HHAT: variants seen among roughly 807,000 people sequenced by gnomAD.
HHAT encodes the protein protein-cysteine N-palmitoyltransferase HHAT.
Under a neutral mutation model 70.8 loss-of-function variants are expected in HHAT, and 47 were observed. The ratio of observed to expected loss-of-function variants is 0.66; its 90% CI spans 0.53 to 0.85. HHAT has a LOEUF of 0.85. HHAT is among the 40% of genes least tolerant of loss of function. The pLI, the probability that HHAT is intolerant of heterozygous loss-of-function variation, is 0.00. For synonymous variants in HHAT, 228 were observed against 247.6 expected, an observed-to-expected ratio of 0.92 and a Z score of 0.74; for missense variants, 609 against 604.8, an observed-to-expected ratio of 1.01 and a Z score of -0.07.
Position 210,674,319 on chromosome 1 carries a change from A to T in HHAT, c.1422A>T (p.Gly474=). 6.2e-7 allele frequency: 1 copy of T among 1,614,046 alleles called. No individual in the cohort carries two copies. The highest frequency in any genetic ancestry group is 8.5e-7 in the Non-Finnish European group (1 of 1,179,998). The change falls in exon 12 of 12, where the codon GGA becomes GGT. Residue 474 remains glycine, a synonymous_variant. Transcript: ENST00000261458. ...CTTGGGTGACCCTCTCTGTCCTGGG[A>T]TTCCTGTACTGCTACTCCCACGTGG... ...GWPWVTLSVL[G]FLYCYSHVGI...
chr1:210,396,713 G>A (rs1572141018), intron 4 of HHAT, among the ~76,000 whole-genome samples: 1 of 152,184 alleles, frequency 6.6e-6, no homozygotes, highest in Non-Finnish European at 1.5e-5. Context: ...TAGGTTAATG[G>A]CTAACAAGCT....
intron 7 of HHAT, among the ~76,000 whole-genome samples, chr1:210,454,545 CTT>C (rs1022491018): frequency 2.0e-5 from 3 of 152,014 alleles, no homozygotes; most frequent in African/African-American, 7.2e-5. Context: ...CAGAATGAGA[CTT>C]TGTCTCAAAA....
intron 9 of HHAT, among the ~76,000 whole-genome samples, chr1:210,532,705 C>T (rs551275270): frequency 6.6e-6 from 1 of 152,278 alleles, no homozygotes; most frequent in East Asian, 1.9e-4. Flanking sequence ...GCAGGATACT[C>T]TTAAGGCCAG....
intron 10 of HHAT, among the ~76,000 whole-genome samples, chr1:210,596,351 C>T (rs939618911): frequency 6.6e-6 from 1 of 152,152 alleles, no homozygotes; most frequent in Admixed American, 6.5e-5. Context: ...TACTTGAATA[C>T]TGATATCGTT....
chr1:210,589,428 A>G (rs1330988552), intron 10 of HHAT: 2 of 152,252 alleles, frequency 1.3e-5, no homozygotes, highest in East Asian at 3.8e-4. Flanking sequence ...AGCCATGGCT[A>G]TGTAACACAC....
chr1:210,486,982 A>T (rs1055532689), intron 8 of HHAT, among the ~76,000 whole-genome samples: 1 of 152,184 alleles, frequency 6.6e-6, no homozygotes, highest in Admixed American at 6.5e-5. Context: ...AGTCACTCTC[A>T]ACTTAGAGCC....
intron 9 of HHAT, among the ~76,000 whole-genome samples, chr1:210,542,496 A>AAAAAAT (rs56743887): frequency 0.014 from 2,028 of 149,374 alleles, 30 homozygotes; most frequent in Non-Finnish European, 0.021. Flanking sequence ...TTAAAAAAAA[A>AAAAAAT]ATATATATAT....
At chr1:210,518,650 G>A (rs537522807) in intron 9 of HHAT, among the ~76,000 whole-genome samples, 12 of 152,162 alleles carry the variant, frequency 7.9e-5, no homozygotes, top group Admixed American at 7.2e-4. Context: ...AATATTAGCC[G>A]GGTATGGTAG....
chr1:210,491,999 G>A (rs2094559417), intron 8 of HHAT, among the ~76,000 whole-genome samples: 1 of 152,248 alleles, frequency 6.6e-6, no homozygotes, highest in South Asian at 2.1e-4. Flanking sequence ...CTGACCTCAG[G>A]CAATCTGCCT....
intron 8 of HHAT, among the ~76,000 whole-genome samples, chr1:210,511,991 C>T (rs1572943817): frequency 6.6e-6 from 1 of 152,022 alleles, no homozygotes; most frequent in African/African-American, 2.4e-5. Context: ...GCACTGGCTA[C>T]ATGATCAGAG....
intron 9 of HHAT, among the ~76,000 whole-genome samples, chr1:210,517,508 A>T (rs2148595602): frequency 6.6e-6 from 1 of 152,326 alleles, no homozygotes; most frequent in South Asian, 2.1e-4. Context: ...ATTTAAAAAA[A>T]TTGAACTCAT....
intron 11 of HHAT, among the ~76,000 whole-genome samples, chr1:210,653,485 G>A (rs957921976): frequency 1.3e-5 from 2 of 148,622 alleles, no homozygotes; most frequent in African/African-American, 5.0e-5. Flanking sequence ...AGCTGAGATC[G>A]CACCACTGCA....
chr1:210,385,338 G>A (rs1367680951), intron 3 of HHAT, among the ~76,000 whole-genome samples: 1 of 150,808 alleles, frequency 6.6e-6, no homozygotes, highest in Non-Finnish European at 1.5e-5. Context: ...TATAAAAGTG[G>A]TATTTTACTA....
intron 9 of HHAT, among the ~76,000 whole-genome samples, chr1:210,571,271 G>A (rs757730741): frequency 3.3e-5 from 5 of 152,150 alleles, no homozygotes; most frequent in Admixed American, 6.5e-5. Context: ...GTTACTGGCC[G>A]TTAGATTCAA....
At chr1:210,342,990 C>T (rs114181462) in intron 1 of HHAT, among the ~76,000 whole-genome samples, 2,340 of 152,026 alleles carry the variant, frequency 0.015, 50 homozygotes, top group African/African-American at 0.054. Flanking sequence ...TGTTGAAGGC[C>T]GAAAGAATGA....
chr1:210,561,428 C>T (rs1309587254), intron 9 of HHAT, among the ~76,000 whole-genome samples: 2 of 152,190 alleles, frequency 1.3e-5, no homozygotes, highest in African/African-American at 4.8e-5. Context: ...CAGGATGCCA[C>T]TTTCAGAGAT....
chr1:210,483,847 A>G (rs568547015), intron 8 of HHAT, among the ~76,000 whole-genome samples: 1 of 152,208 alleles, frequency 6.6e-6, no homozygotes, highest in Admixed American at 6.5e-5. Context: ...GTATAAATAC[A>G]TTTCTGTACT....
intron 6 of HHAT, among the ~76,000 whole-genome samples, chr1:210,409,734 T>C (rs1227776054): frequency 6.6e-6 from 1 of 152,244 alleles, no homozygotes; most frequent in Non-Finnish European, 1.5e-5. Context: ...AACTGTCATC[T>C]TTAATCATCA....
intron 11 of HHAT, among the ~76,000 whole-genome samples, chr1:210,631,827 A>G (rs1464964960): frequency 6.6e-6 from 1 of 152,244 alleles, no homozygotes; most frequent in East Asian, 1.9e-4. Flanking sequence ...CATGATGGTC[A>G]TTTATCTTGA....
Sources: allele counts gnomAD v4.1 joint callset (sites outside exome capture counted in the v4.1 genomes callset), GRCh38; gene constraint gnomAD v4.1.1; transcripts MANE v1.5; gene names NCBI Gene and HGNC (gene_info 2026-07-23, HGNC 2026-07-21).